Variants in HCFC2 observed in about 807,000 individuals in gnomAD.
HCFC2 encodes host cell factor 2.
HCFC2 carries 18 observed loss-of-function variants against 89.2 expected under a neutral mutation model. That is an observed-to-expected ratio of 0.20 (90% CI 0.14 to 0.30). HCFC2 has a LOEUF of 0.30. Ranked by LOEUF, HCFC2 falls within the 10% of genes least tolerant of loss-of-function variation. The pLI, the probability that HCFC2 is intolerant of heterozygous loss-of-function variation, is 1.00. For synonymous variants in HCFC2, 308 were observed against 335.7 expected (o/e 0.92, Z 0.90); for missense variants, 578 against 956.1 (o/e 0.60, Z 5.21).
intron 9 of HCFC2, among the ~76,000 whole-genome samples, chr12:104,092,444 A>G (rs984599543): frequency 1.7e-4 from 26 of 151,270 alleles, no homozygotes; most frequent in African/African-American, 5.6e-4. Flanking sequence ...TGGGCAACAG[A>G]GCAAGATCCT....
At chr12:104,082,373 T>C (rs902740916) in intron 5 of HCFC2, 127 bp from the exon 6 acceptor site, 12 of 611,218 alleles carry the variant, frequency 2.0e-5, no homozygotes, top group Middle Eastern at 2.8e-4. Context: ...ACCTTGACAA[T>C]GGTAAGCGAA....
intron 9 of HCFC2, 50 bp from the exon 10 acceptor site, chr12:104,093,336 G>T: frequency 1.6e-6 from 2 of 1,286,904 alleles, no homozygotes; most frequent in Non-Finnish European, 2.1e-6. Flanking sequence ...ACATGTATTT[G>T]TATTTCATTG....
At chr12:104,084,956 T>A (rs928652603) in intron 7 of HCFC2, among the ~76,000 whole-genome samples, 2 of 152,094 alleles carry the variant, frequency 1.3e-5, no homozygotes, top group African/African-American at 4.8e-5. Flanking sequence ...AATCAAGAGT[T>A]CCATTTAGAC....
rs1429305974 is a variant in HCFC2 at position 104,066,162 on chromosome 12, A to G, written c.164-5A>G. The G allele has an allele frequency of 6.2e-7, 1 of 1,611,636 alleles. No homozygotes were observed. Among genetic ancestry groups the G allele is most frequent in the Non-Finnish European group, 8.5e-7 (1 of 1,179,346 alleles). ...AATCGGTTTTCATTTTATTTTGGCA[A>G]CTAGCTACGAATCAGTGGTTTCTGC... On this transcript the variant is annotated splice_polypyrimidine_tract_variant and splice_region_variant and intron_variant, in intron 1 of 14. Coordinates refer to ENST00000229330, the MANE Select transcript of HCFC2 (RefSeq NM_013320.3).
rs2731021 is a variant in HCFC2 at position 104,103,060 on chromosome 12, A to G, written c.2166A>G (p.Gln722=). 1 of 1,614,098 alleles carries G rather than the reference A, an allele frequency of 6.2e-7. No homozygotes were observed. The change falls in exon 15 of 15, where the codon CAA becomes CAG. Residue 722 remains glutamine (Q), a synonymous_variant. Transcript: ENST00000229330. ...AYLAIRTAQI[Q]DNPSQLVFMR... ...TGGCTATCCGCACAGCACAGATACAAGATAATCCAAGTCAACTTGTGTTCA... is the reference window on the plus strand; with the variant it reads ...TGGCTATCCGCACAGCACAGATACAGGATAATCCAAGTCAACTTGTGTTCA...
chr12:104,079,652 A>G lies in HCFC2; in HGVS notation c.681A>G (p.Leu227=), dbSNP rs1458512585. The G allele has an allele frequency of 6.2e-7, 1 of 1,612,518 alleles. No homozygotes were observed. The highest frequency in any genetic ancestry group is 1.3e-5 in the African/African-American group (1 of 74,888). ...TGGATGACCTATGGCAGCTTGACTT[A>G]GGTAAGTTTAACTTGATTCAGGCTC... is the stretch of plus-strand genomic sequence containing the variant. ...ARLDDLWQLD[L]ETMSWSKPET... Residue 227 remains leucine (L), a splice_region_variant and synonymous_variant, in exon 4 of 15, where the codon TTA becomes TTG. Coordinates refer to ENST00000229330, the MANE Select transcript of HCFC2 (RefSeq NM_013320.3).
At chr12:104,085,057 T>C (rs1263019283) in intron 7 of HCFC2, among the ~76,000 whole-genome samples, 1 of 152,178 alleles carries the variant, frequency 6.6e-6, no homozygotes, top group Non-Finnish European at 1.5e-5. Context: ...AGATGTAATA[T>C]GTGATGTTAT....
intron 10 of HCFC2, among the ~76,000 whole-genome samples, chr12:104,094,126 A>G (rs535366079): frequency 6.6e-6 from 1 of 152,322 alleles, no homozygotes; most frequent in African/African-American, 2.4e-5. Context: ...GATTTTGGAA[A>G]AGATAGGTTC....
In HCFC2 at chr12:104,095,718, A is replaced by G. The variant is rs1410623032; in HGVS notation, c.1666+155A>G. Among the ~76,000 whole-genome samples the G allele has an allele frequency of 2.0e-5, 3 of 152,184 alleles. No homozygotes were observed. Among genetic ancestry groups the G allele is most frequent in the Non-Finnish European group, 4.4e-5 (3 of 68,022 alleles). On this transcript the variant is annotated intron_variant, in intron 11 of 14. Coordinates refer to ENST00000229330, the MANE Select transcript of HCFC2 (RefSeq NM_013320.3). This position sits in a 1 kb window ranked among gnomAD's most constrained non-coding sequence, Gnocchi z 4.2. ...GTGAGCAAGAGTTTTCATTTGACCT[A>G]AATTTAACTTTTAGAATCTTTAAGA...
intron 13 of HCFC2, among the ~76,000 whole-genome samples, chr12:104,099,716 A>G (rs939006953): frequency 4.6e-5 from 7 of 152,058 alleles, no homozygotes; most frequent in African/African-American, 1.7e-4. Context: ...CCCAAGCTGG[A>G]GTGCAGTGGT....
intron 3 of HCFC2, among the ~76,000 whole-genome samples, chr12:104,069,675 T>C (rs1883261178): frequency 6.6e-6 from 1 of 152,028 alleles, no homozygotes; most frequent in Admixed American, 6.5e-5. Context: ...GACTTTCTCT[T>C]TTTTTATTTT....
intron 9 of HCFC2, among the ~76,000 whole-genome samples, chr12:104,092,997 T>A (rs1884065738): frequency 6.6e-6 from 1 of 152,222 alleles, no homozygotes; most frequent in Non-Finnish European, 1.5e-5. Flanking sequence ...ATTTTACTTT[T>A]GTAGTTATCA....
chr12:104,065,077 A>C, intron 1 of HCFC2: 35 of 184,606 alleles, frequency 1.9e-4, no homozygotes, highest in East Asian at 1.1e-3. Flanking sequence ...AAAAAACAAA[A>C]CCCACTCCAA....
In HCFC2 at chr12:104,068,117, C is replaced by A; in HGVS notation, c.473+10C>A. The A allele has an allele frequency of 6.4e-7, 1 of 1,558,114 alleles. No homozygotes were observed. The highest frequency in any genetic ancestry group is 8.6e-7 in the Non-Finnish European group (1 of 1,158,164). On this transcript the variant is annotated intron_variant, in intron 3 of 14. Transcript: ENST00000229330. The surrounding 1 kb of genome is among the most constrained non-coding windows in gnomAD (Gnocchi z 4.1). ...ACAATAATGTTCCCAGGTATGCTGA[C>A]TCTTTCAGACCAAATGCTTATTTTA... is the stretch of plus-strand genomic sequence containing the variant.
intron 13 of HCFC2, among the ~76,000 whole-genome samples, chr12:104,098,877 G>A (rs1884255054): frequency 6.6e-6 from 1 of 152,136 alleles, no homozygotes. Context: ...ACGAGCATCT[G>A]TAGTCCCAGC....
At chr12:104,081,126 T>G (rs1883670083) in intron 5 of HCFC2, among the ~76,000 whole-genome samples, 1 of 152,232 alleles carries the variant, frequency 6.6e-6, no homozygotes, top group Non-Finnish European at 1.5e-5. Context: ...ACTTTTCCTT[T>G]TTCATATTTT....
In HCFC2 at chr12:104,093,474, C is replaced by A. The variant is rs574023442; in HGVS notation, c.1373C>A (p.Thr458Lys). 1.9e-6 allele frequency: 3 copies of A among 1,613,014 alleles called. No homozygotes were observed. In the Admixed American group the frequency reaches 5.0e-5, roughly 27 times the overall value. The stretch of plus-strand genomic sequence containing the variant: ...AACAAACCAGACTTTAAAGCACTGA[C>A]GGATTCTAATGCCATTTTATATCCA... ...MKNKPDFKAL[T>K]DSNAILYPSL... The change falls in exon 10 of 15, where the codon ACG (threonine) becomes AAG (lysine). Residue 458 changes from threonine to lysine, a missense_variant. Physicochemically the swap from Thr to Lys is moderately conservative, Grantham distance 78 (BLOSUM62 -1). Transcript: ENST00000229330.
intron 7 of HCFC2, among the ~76,000 whole-genome samples, chr12:104,084,197 T>A (rs1012562876): frequency 6.6e-6 from 1 of 152,126 alleles, no homozygotes; most frequent in East Asian, 1.9e-4. Context: ...GAACTTACAT[T>A]CTGAGGGGGT....
rs1225522425 is a variant in HCFC2 at position 104,104,864 on chromosome 12, T to G, written c.*1591T>G. 6.6e-6 allele frequency: 1 copy of G among 152,052 alleles called. No individual in the cohort carries two copies. The highest frequency in any genetic ancestry group is 1.5e-5 in the Non-Finnish European group (1 of 67,908). The allele number at this position is 152,052 out of a possible 1,614,324, so 9.4% of individuals were successfully genotyped here. ...ACTACTATGGTGTTGTTAGAATACC[T>G]TTTTTGTGGCTGTATGAATCTTTAC... is the stretch of plus-strand genomic sequence containing the variant. On this transcript the variant is annotated 3_prime_UTR_variant, in exon 15 of 15. Transcript: ENST00000229330.
Sources: allele counts gnomAD v4.1 joint callset (sites outside exome capture counted in the v4.1 genomes callset), GRCh38; gene constraint gnomAD v4.1.1; non-coding constraint Gnocchi (gnomAD v3.1); transcripts MANE v1.5; gene names NCBI Gene and HGNC (gene_info 2026-07-23, HGNC 2026-07-21).